Variants in ST6GAL1 observed in about 807,000 individuals in gnomAD.
ST6GAL1 encodes ST6 beta-galactoside alpha-2,6-sialyltransferase 1, also known as beta-galactoside alpha-2,6-sialyltransferase 1.
ST6GAL1 carries 20 observed loss-of-function variants against 38.0 expected under a neutral mutation model. The observed-to-expected ratio is 0.53, with a 90% CI of 0.37 to 0.77. ST6GAL1 has a LOEUF of 0.77. Ranked by LOEUF, ST6GAL1 falls within the 30% of genes least tolerant of loss-of-function variation. The pLI is 0.00. For synonymous variants in ST6GAL1, 196 were observed against 188.2 expected (o/e 1.04, Z -0.34); for missense variants, 432 against 496.4 (o/e 0.87, Z 1.23).
intron 4 of ST6GAL1, among the ~76,000 whole-genome samples, chr3:187,050,571 AAG>A (rs1222081712): frequency 5.0e-5 from 7 of 139,362 alleles, no homozygotes; most frequent in South Asian, 2.3e-4. Context: ...GGAGGGAGGG[AAG>A]GAAGGAGGGA....
chr3:187,024,491 TATAGAGAGAGAGAGAG>T (rs1717454922), intron 2 of ST6GAL1, among the ~76,000 whole-genome samples: 6 of 105,304 alleles, frequency 5.7e-5, no homozygotes, highest in African/African-American at 1.2e-4. Flanking sequence ...TATATATATA[TATAGAGAGAGAGAGAG>T]AGAGAGAGAG....
chr3:187,031,187 T>C (rs73071430), intron 2 of ST6GAL1, among the ~76,000 whole-genome samples: 12,737 of 152,226 alleles, frequency 0.084, 649 homozygotes, highest in African/African-American at 0.14. Flanking sequence ...CAAGGAGCAC[T>C]TGAGCTGGTG....
rs1717409182 is a variant in ST6GAL1, at chr3:187,023,666, A to G, written c.-182-15076A>G. ...AGCCAAACACCACATGTTCTCACTC[A>G]TAGGTGGGAATTGAACAGTGAGAAC... On this transcript the variant is annotated intron_variant, in intron 2 of 7. Transcript: ENST00000169298. 2.6e-5 allele frequency among the ~76,000 whole-genome samples: 4 copies of G among 152,256 alleles called. No individual in the cohort carries two copies. In the South Asian group the frequency reaches 6.2e-4, roughly 24 times the overall value.
At chr3:186,985,795 G>GA (rs1715899071) in intron 2 of ST6GAL1, among the ~76,000 whole-genome samples, 2 of 150,520 alleles carry the variant, frequency 1.3e-5, no homozygotes, top group South Asian at 4.2e-4. Context: ...AAAGAAAAAA[G>GA]AAAAAGAAAA....
At chr3:187,054,847 T>C (rs1718637569) in intron 5 of ST6GAL1, among the ~76,000 whole-genome samples, 1 of 152,218 alleles carries the variant, frequency 6.6e-6, no homozygotes, top group Non-Finnish European at 1.5e-5. Context: ...CTTTTTGTAT[T>C]GATTGGAATA....
rs530721997 is a variant in ST6GAL1, at chr3:187,052,264, C to T, written c.705+918C>T. On this transcript the variant is annotated intron_variant, in intron 5 of 7. Coordinates refer to ENST00000169298, the MANE Select transcript of ST6GAL1 (RefSeq NM_173216.2). ...TAGGCAGAAGCTGCTTCCTGCATAG[C>T]CCACTTTCTATTTGAAGCCCACAAC... is the stretch of plus-strand genomic sequence containing the variant. Among the ~76,000 whole-genome samples, 7 of 152,254 alleles carry T rather than the reference C, an allele frequency of 4.6e-5. No individual in the cohort carries two copies. The South Asian group carries it at 1.5e-3, about 32-fold the overall frequency.
intron 2 of ST6GAL1, among the ~76,000 whole-genome samples, chr3:186,990,853 A>G (rs955074632): frequency 1.3e-5 from 2 of 150,884 alleles, no homozygotes; most frequent in African/African-American, 4.9e-5. Context: ...AGCTTCTGGC[A>G]TTACCCAGGA....
chr3:187,058,365 C>T (rs11929282), intron 5 of ST6GAL1, among the ~76,000 whole-genome samples: 49,570 of 152,020 alleles, frequency 0.33, 8,601 homozygotes, highest in East Asian at 0.46. Flanking sequence ...AGAAATCACC[C>T]GTCTTGTTTG....
chr3:187,075,724 A>G lies in ST6GAL1; in HGVS notation c.1142A>G (p.His381Arg). ...CTCTATGAGAAGAATTTGGTGAAGC[A>G]TCTCAACCAGGGCACAGATGAGGAC... ...PLLYEKNLVK[H>R]LNQGTDEDIY... The change falls in exon 8 of 8, where the codon CAT (histidine) becomes CGT (arginine). Residue 381 changes from histidine (H) to arginine (R), a missense_variant. Transcript: ENST00000169298. This position sits in a 1 kb window ranked among gnomAD's most constrained non-coding sequence, Gnocchi z 4.1. 6.2e-7 allele frequency: 1 copy of G among 1,614,268 alleles called. No homozygotes were observed.
At chr3:186,987,180 C>A (rs1474418420) in intron 2 of ST6GAL1, among the ~76,000 whole-genome samples, 2 of 92,598 alleles carry the variant, frequency 2.2e-5, no homozygotes, top group African/African-American at 4.7e-5. Context: ...GAAAGAGAGA[C>A]AGGGAGGGAG....
intron 4 of ST6GAL1, among the ~76,000 whole-genome samples, chr3:187,047,341 G>A (rs1718336075): frequency 6.6e-6 from 1 of 151,826 alleles, no homozygotes; most frequent in African/African-American, 2.4e-5. Flanking sequence ...GTTGTAGGAT[G>A]TATTAGGCTA....
At chr3:186,931,637 G>A (rs995930040) in intron 1 of ST6GAL1, among the ~76,000 whole-genome samples, 1 of 152,216 alleles carries the variant, frequency 6.6e-6, no homozygotes, top group African/African-American at 2.4e-5. Flanking sequence ...CCCGCACTCC[G>A]GCGATTGCCT....
intron 1 of ST6GAL1, among the ~76,000 whole-genome samples, chr3:186,932,598 T>C (rs1185635591): frequency 6.6e-6 from 1 of 152,234 alleles, no homozygotes; most frequent in African/African-American, 2.4e-5. Context: ...CTACGGAGAC[T>C]CAGATGTTTT....
chr3:186,948,527 TAG>T lies in ST6GAL1; in HGVS notation c.-324-15257_-324-15256del, dbSNP rs1491346310. ...TATGCTCTTGGGGGTTCAGAAACTC[TAG>T]TGTGTGTGTGTGTGTGTGTGTGTGT... On this transcript the variant is annotated intron_variant, in intron 1 of 7. Coordinates refer to ENST00000169298, the MANE Select transcript of ST6GAL1 (RefSeq NM_173216.2). 3.5e-3 allele frequency among the ~76,000 whole-genome samples: 396 copies of T among 112,618 alleles called. 3 individuals are homozygous for T. Among genetic ancestry groups the T allele is most frequent in the African/African-American group, 0.013 (373 of 28,784 alleles). 73.9% of individuals were successfully genotyped at this position (112,618 alleles called of 152,430 possible). A position where few individuals can be genotyped will look rare whatever the true frequency, so the allele number is the denominator to read the frequency against.
chr3:187,064,564 C>T (rs1435081005), intron 5 of ST6GAL1: 1 of 456,740 alleles, frequency 2.2e-6, no homozygotes, highest in Non-Finnish European at 4.4e-6. Context: ...AGGTGGCCCA[C>T]TTCCCGGGAT....
At chr3:186,996,485 G>C (rs961028142) in intron 2 of ST6GAL1, 5 of 152,292 alleles carry the variant, frequency 3.3e-5, no homozygotes, top group Non-Finnish European at 7.4e-5. Context: ...CATACTGTGA[G>C]ACAGGAGCTT....
In ST6GAL1 at chr3:187,051,462, T is replaced by C. The variant is rs541072757; in HGVS notation, c.705+116T>C. 43 of 844,430 alleles carry C rather than the reference T, an allele frequency of 5.1e-5. No individual in the cohort carries two copies. In the African/African-American group the frequency reaches 6.4e-4, roughly 13 times the overall value. The allele number at this position is 844,430 out of a possible 1,614,324, so 52.3% of individuals were successfully genotyped here. On this transcript the variant is annotated intron_variant, in intron 5 of 7. Coordinates refer to ENST00000169298, the MANE Select transcript of ST6GAL1 (RefSeq NM_173216.2). Reference sequence around the variant, plus strand: ...TGCCAATTAAGTCTCTTGATCTTCCTGAGTTCCTGATTCCTCACTGGAGAA... The same window carrying C: ...TGCCAATTAAGTCTCTTGATCTTCCCGAGTTCCTGATTCCTCACTGGAGAA...
intron 3 of ST6GAL1, among the ~76,000 whole-genome samples, chr3:187,039,095 A>C (rs1718038038): frequency 6.6e-6 from 1 of 152,118 alleles, no homozygotes; most frequent in South Asian, 2.1e-4. Flanking sequence ...TAACTATATA[A>C]GATTTAAGTT....
At chr3:187,002,165 G>A (rs147902846) in intron 2 of ST6GAL1, among the ~76,000 whole-genome samples, 6 of 152,206 alleles carry the variant, frequency 3.9e-5, no homozygotes, top group East Asian at 3.9e-4. Flanking sequence ...CAACATTTTC[G>A]TGTGTCTGAA....
Sources: allele counts gnomAD v4.1 joint callset (sites outside exome capture counted in the v4.1 genomes callset), GRCh38; gene constraint gnomAD v4.1.1; non-coding constraint Gnocchi (gnomAD v3.1); transcripts MANE v1.5; gene names NCBI Gene and HGNC (gene_info 2026-07-23, HGNC 2026-07-21).